Variants in DAB2IP observed in about 807,000 individuals in gnomAD.
DAB2IP encodes disabled homolog 2-interacting protein.
DAB2IP carries 28 observed loss-of-function variants against 107.2 expected under a neutral mutation model. The observed-to-expected ratio is 0.26, with a 90% confidence interval of 0.19 to 0.36. The LOEUF (loss-of-function observed/expected upper bound fraction) is 0.36, where lower values mean the gene tolerates loss of function less well. DAB2IP is among the 10% of genes least tolerant of loss of function. DAB2IP has a pLI of 1.00. For missense variants in DAB2IP, 1,400 were observed against 1,644.7 expected (o/e 0.85, Z 2.57); for synonymous variants, 755 against 706.4 (o/e 1.07, Z -1.09).
chr9:121,763,586 G>T, exon 7 of DAB2IP: 1 of 1,613,876 alleles, frequency 6.2e-7, no homozygotes, highest in East Asian at 2.2e-5. Context: ...GAACACACTG[G>T]CCACCAAGGC....
Position 121,634,439 on chromosome 9 carries a change from A to C in DAB2IP, c.41-44239A>C, listed in dbSNP as rs1331315406. On this transcript the variant is annotated intron_variant, in intron 1 of 16. Coordinates refer to the DAB2IP transcript ENST00000259371. This position sits in a 1 kb window ranked among gnomAD's most constrained non-coding sequence, Gnocchi z 4.7. ...GTCTTTGGAGGAGGGTGAAATGGCC[A>C]CCCTTAGTGTACACAGGAGCCCCAC... 6.6e-6 allele frequency among the ~76,000 whole-genome samples: 1 copy of C among 152,106 alleles called. No individual in the cohort carries two copies. Among genetic ancestry groups the C allele is most frequent in the Non-Finnish European group, 1.5e-5 (1 of 68,026 alleles).
intron 1 of DAB2IP, among the ~76,000 whole-genome samples, chr9:121,639,360 G>A (rs1449206726): frequency 6.6e-6 from 1 of 152,220 alleles, no homozygotes; most frequent in African/African-American, 2.4e-5. Context: ...GGTGGTCAGA[G>A]CACAGCGGCA....
At chr9:121,685,697 A>G (rs1386597956) in intron 2 of DAB2IP, among the ~76,000 whole-genome samples, 2 of 152,242 alleles carry the variant, frequency 1.3e-5, no homozygotes, top group Non-Finnish European at 2.9e-5. Flanking sequence ...ATCACCAACT[A>G]TGTGTCAGGG....
At chr9:121,607,173 G>A (rs908680548) in intron 1 of DAB2IP, among the ~76,000 whole-genome samples, 1 of 152,166 alleles carries the variant, frequency 6.6e-6, no homozygotes, top group Non-Finnish European at 1.5e-5. Context: ...TGTCCTTGTA[G>A]GTGACAGTGG....
chr9:121,781,861 C>T (rs1835680170), intron 15 of DAB2IP, among the ~76,000 whole-genome samples: 1 of 152,156 alleles, frequency 6.6e-6, no homozygotes, highest in Non-Finnish European at 1.5e-5. Flanking sequence ...GCAGGCTGGT[C>T]AGAGGGAGCA....
Position 121,653,165 on chromosome 9 carries a change from GCCTTT to G in DAB2IP, c.124+1267_124+1271del, listed in dbSNP as rs774957306. On this transcript the variant is annotated intron_variant, in intron 1 of 15. Transcript: ENST00000408936. ...GTAAGTACAGAATTAACAGTACTAA[GCCTTT>G]AGTACTCCTTGGAGGGAGTACTAAG... Among the ~76,000 whole-genome samples the G allele has an allele frequency of 5.7e-3, 529 of 92,604 alleles. 1 individual carries two copies. The highest frequency in any genetic ancestry group is 9.9e-3 in the Non-Finnish European group (414 of 41,662). The allele number at this position is 92,604 out of a possible 152,430, so 60.8% of individuals were successfully genotyped here. A position where few individuals can be genotyped will look rare whatever the true frequency, so the allele number is the denominator to read the frequency against.
chr9:121,756,993 C>T lies in DAB2IP; in HGVS notation c.363-20C>T. 3 of 1,613,530 alleles carry T rather than the reference C, an allele frequency of 1.9e-6. No homozygotes were observed. The highest frequency in any genetic ancestry group is 2.2e-5 in the South Asian group (2 of 91,046). On this transcript the variant is annotated intron_variant, in intron 3 of 15. Coordinates refer to ENST00000408936, the Ensembl canonical transcript of DAB2IP. Reference sequence around the variant, plus strand: ...ACCCGGGCTGTGGGGGCCCACCTGACACACCTACTGCCACCCCAGGTCCCA... The same window carrying T: ...ACCCGGGCTGTGGGGGCCCACCTGATACACCTACTGCCACCCCAGGTCCCA...
At chr9:121,712,370 C>A (rs978977474) in intron 3 of DAB2IP, among the ~76,000 whole-genome samples, 1 of 152,226 alleles carries the variant, frequency 6.6e-6, no homozygotes, top group Admixed American at 6.5e-5. Context: ...GCCCTCTTTT[C>A]TGGCAGCCCA....
At chr9:121,768,776 C>T in intron 10 of DAB2IP, 143 bp downstream of exon 10, 6 of 1,019,498 alleles carry the variant, frequency 5.9e-6, no homozygotes, top group Non-Finnish European at 8.5e-6. Context: ...CACTGGGGAT[C>T]TGTGGGCCCC....
At chr9:121,607,958 A>G (rs1830939864) in intron 1 of DAB2IP, among the ~76,000 whole-genome samples, 1 of 152,258 alleles carries the variant, frequency 6.6e-6, no homozygotes, top group African/African-American at 2.4e-5. Context: ...CCCTGGCCAG[A>G]GCAGGGACCT....
intron 1 of DAB2IP, among the ~76,000 whole-genome samples, chr9:121,657,935 C>A (rs1833036682): frequency 6.6e-6 from 1 of 152,164 alleles, no homozygotes; most frequent in Admixed American, 6.5e-5. Context: ...AGAGCCAAGG[C>A]CACTTGCCCG....
chr9:121,771,006 A>T (rs1208632300), intron 11 of DAB2IP, among the ~76,000 whole-genome samples: 1 of 152,202 alleles, frequency 6.6e-6, no homozygotes, highest in Non-Finnish European at 1.5e-5. Context: ...ACAAGCAAAG[A>T]CATGATGTGT....
intron 3 of DAB2IP, among the ~76,000 whole-genome samples, chr9:121,717,573 C>T (rs774594087): frequency 1.1e-4 from 17 of 152,238 alleles, no homozygotes; most frequent in Admixed American, 7.8e-4. Context: ...CAGCATACCA[C>T]GTAGCAGTGC....
At chr9:121,664,478 TG>T in intron 1 of DAB2IP, among the ~76,000 whole-genome samples, 1 of 152,336 alleles carries the variant, frequency 6.6e-6, no homozygotes, top group Admixed American at 6.5e-5. Flanking sequence ...TGGATCAGTT[TG>T]GGGAGAAATG....
chr9:121,779,638 C>T lies in DAB2IP; in HGVS notation c.3315-1826C>T, dbSNP rs552793012. Among the ~76,000 whole-genome samples, 379 of 152,340 alleles carry T rather than the reference C, an allele frequency of 2.5e-3. 1 individual carries two copies. Among genetic ancestry groups the T allele is most frequent in the African/African-American group, 8.7e-3 (363 of 41,562 alleles). ...ACGTGGCCCTGCTCTGAGGGGGTTTCCTTCCCCGGGTCCTCTGTGATTCCC... is the reference window on the plus strand; with the variant it reads ...ACGTGGCCCTGCTCTGAGGGGGTTTTCTTCCCCGGGTCCTCTGTGATTCCC... On this transcript the variant is annotated intron_variant, in intron 14 of 15. Transcript: ENST00000408936.
rs555533108 is a variant in DAB2IP at position 121,577,292 on chromosome 9, G to A, written c.40+10064G>A. ...GTCTCGGGAGAGTGGGGGAAGAGGC[G>A]GGTGGAGTGGGGGTGGATTTCTGTC... On this transcript the variant is annotated intron_variant, in intron 1 of 16. Transcript: ENST00000259371. Among the ~76,000 whole-genome samples the A allele has an allele frequency of 3.9e-5, 6 of 152,316 alleles. No individual in the cohort carries two copies. In the East Asian group the frequency reaches 7.7e-4, roughly 20 times the overall value.
chr9:121,608,644 G>C (rs1276006021), intron 1 of DAB2IP, among the ~76,000 whole-genome samples: 3 of 152,192 alleles, frequency 2.0e-5, no homozygotes, highest in Non-Finnish European at 2.9e-5. Context: ...AAAGCTGTAG[G>C]CAATAGGGAG....
chr9:121,581,138 C>A (rs1279401350), intron 1 of DAB2IP, among the ~76,000 whole-genome samples: 2 of 152,308 alleles, frequency 1.3e-5, no homozygotes, highest in South Asian at 4.1e-4. Flanking sequence ...ACCCAAACCA[C>A]CCCTGAGGCA....
At chr9:121,654,670 A>T (rs1311198948) in intron 1 of DAB2IP, among the ~76,000 whole-genome samples, 1 of 152,166 alleles carries the variant, frequency 6.6e-6, no homozygotes, top group African/African-American at 2.4e-5. Context: ...GGAGAAACTC[A>T]GGCTGAGGAA....
Sources: allele counts gnomAD v4.1 joint callset (sites outside exome capture counted in the v4.1 genomes callset), GRCh38; gene constraint gnomAD v4.1.1; non-coding constraint Gnocchi (gnomAD v3.1); transcripts MANE v1.5; gene names NCBI Gene and HGNC (gene_info 2026-07-23, HGNC 2026-07-21).